The following AR variants were observed in gnomAD, a reference collection of about 807,000 sequenced individuals.
AR encodes the protein androgen receptor.
In AR, 8 loss-of-function variants were observed where a neutral mutation model predicts 53.9. The observed-to-expected ratio is 0.15, with a 90% CI of 0.09 to 0.27. The LOEUF is 0.27. Among genes scored for constraint, AR ranks in the 10% least tolerant of loss-of-function variants. The pLI, the probability that AR is intolerant of heterozygous loss-of-function variation, is 1.00. For synonymous variants in AR, 359 were observed against 316.4 expected, an observed-to-expected ratio of 1.13 and a Z score of -1.43; for missense variants, 639 against 742.5, an observed-to-expected ratio of 0.86 and a Z score of 1.62.
At chrX:67,553,901 C>T (rs1459169282) in intron 1 of AR, among the ~76,000 whole-genome samples, 1 of 112,082 alleles carries the variant, frequency 8.9e-6, no homozygotes, top group Non-Finnish European at 1.9e-5. Context: ...ATCCTGCAAC[C>T]TTGCTGAAAA....
At chrX:67,642,654 A>G (rs747808981) in intron 1 of AR, among the ~76,000 whole-genome samples, 26 of 111,613 alleles carry the variant, frequency 2.3e-4, no homozygotes, top group South Asian at 7.6e-4. Flanking sequence ...GAAATGAGGG[A>G]AAAAAAAGAA....
In AR at chrX:67,723,553, G is replaced by C. The variant is rs189181091; in HGVS notation, c.2608-133G>C. 164 of 597,362 alleles carry C rather than the reference G, an allele frequency of 2.7e-4. No homozygotes were observed. The East Asian group carries it at 5.6e-3, about 20-fold the overall frequency. 49.2% of individuals were successfully genotyped at this position (597,362 alleles called of 1,213,427 possible). A position where few individuals can be genotyped will look rare whatever the true frequency, so the allele number is the denominator to read the frequency against. ...CACACACACACACGACCTCATGGGGGAGGACCAAGGAAGTACGGGGAAGGG... is the reference window on the plus strand; with the variant it reads ...CACACACACACACGACCTCATGGGGCAGGACCAAGGAAGTACGGGGAAGGG... On this transcript the variant is annotated intron_variant, in intron 7 of 7. Transcript: ENST00000374690.
At chrX:67,703,226 T>C (rs972853216) in intron 3 of AR, among the ~76,000 whole-genome samples, 3 of 112,223 alleles carry the variant, frequency 2.7e-5, no homozygotes, top group Non-Finnish European at 5.6e-5. Flanking sequence ...TTCTTATTTA[T>C]TATTATTATG....
chrX:67,621,072 T>C (rs1924352117), intron 1 of AR, among the ~76,000 whole-genome samples: 1 of 112,071 alleles, frequency 8.9e-6, no homozygotes, highest in South Asian at 3.7e-4. Flanking sequence ...CCAAATTCTA[T>C]GCCGTGGAAG....
rs763353257 is a variant in AR at position 67,545,120 on chromosome X, AG to A, written c.-25del. 4 of 1,188,899 alleles carry A rather than the reference AG, an allele frequency of 3.4e-6. No individual in the cohort carries two copies. The highest frequency in any genetic ancestry group is 4.5e-6 in the Non-Finnish European group (4 of 885,958). ...GAAGGGGAGGCGGGGTAAGGGAAGT[AG>A]GTGGAAGATTCAGCCAAGCTCAAGG... On this transcript the variant is annotated 5_prime_UTR_variant, in exon 1 of 8. Coordinates refer to ENST00000374690, the MANE Select transcript of AR (RefSeq NM_000044.6).
chrX:67,616,057 A>G (rs939799084), intron 1 of AR, among the ~76,000 whole-genome samples: 3 of 111,538 alleles, frequency 2.7e-5, no homozygotes, highest in Admixed American at 9.5e-5. Context: ...ACTGGAACTA[A>G]GTCAGTATAA....
rs2147540148 is a variant in AR at position 67,723,700 on chromosome X, G to T, written c.2622G>T (p.Leu874=). ...LDSVQPIARE[L]HQFTFDLLIK... ...GTTCCCTACAGATTGCGAGAGAGCT[G>T]CATCAGTTCACTTTTGACCTGCTAA... Residue 874 remains leucine, a synonymous_variant, in exon 8 of 8, where the codon CTG becomes CTT. Transcript: ENST00000374690. The T allele has an allele frequency of 1.7e-6, 2 of 1,210,834 alleles. No individual in the cohort carries two copies. Among genetic ancestry groups the T allele is most frequent in the East Asian group, 3.0e-5 (1 of 33,706 alleles).
intron 1 of AR, among the ~76,000 whole-genome samples, chrX:67,563,843 G>T (rs930542635): frequency 2.7e-5 from 3 of 112,149 alleles, no homozygotes; most frequent in Admixed American, 9.4e-5. Flanking sequence ...ACAAGGAACA[G>T]AATGACTCAA....
chrX:67,686,699 G>T (rs956422345), intron 3 of AR, among the ~76,000 whole-genome samples: 2 of 111,683 alleles, frequency 1.8e-5, no homozygotes, highest in African/African-American at 6.5e-5. Context: ...AAGATGAGCA[G>T]GTGTTTTAAT....
chrX:67,674,815 C>G (rs1422823266), intron 2 of AR, among the ~76,000 whole-genome samples: 1 of 111,546 alleles, frequency 9.0e-6, no homozygotes, highest in Non-Finnish European at 1.9e-5. Context: ...AACCAGTACC[C>G]AAGCTGCAAG....
At chrX:67,602,251 A>G (rs1923406377) in intron 1 of AR, among the ~76,000 whole-genome samples, 1 of 111,930 alleles carries the variant, frequency 8.9e-6, no homozygotes, top group Non-Finnish European at 1.9e-5. Flanking sequence ...CTGAGTTTTT[A>G]TGCTTTTTAG....
intron 1 of AR, among the ~76,000 whole-genome samples, chrX:67,573,540 T>A (rs1349812765): frequency 1.8e-5 from 2 of 111,543 alleles, no homozygotes; most frequent in Admixed American, 1.9e-4. Flanking sequence ...CCCCTAACCC[T>A]TCAAATCTCA....
chrX:67,588,407 T>C (rs1369992276), intron 1 of AR, among the ~76,000 whole-genome samples: 1 of 111,860 alleles, frequency 8.9e-6, no homozygotes, highest in Admixed American at 9.5e-5. Context: ...TGTAAGGAAA[T>C]ATGACAAGCG....
At chrX:67,716,510 G>A (rs778088918) in intron 4 of AR, among the ~76,000 whole-genome samples, 3 of 111,688 alleles carry the variant, frequency 2.7e-5, no homozygotes, top group African/African-American at 6.5e-5. Context: ...AGCGCAAGTG[G>A]CAAGAGATCA....
At chrX:67,722,803 C>G (rs1385736292) in intron 6 of AR, 24 bp from the exon 7 acceptor site, 1 of 1,208,303 alleles carries the variant, frequency 8.3e-7, no homozygotes. Flanking sequence ...TTCCCCTCCC[C>G]ATTCTGTCTT....
chrX:67,678,332 A>G lies in AR; in HGVS notation c.1769-7678A>G, dbSNP rs73633121. On this transcript the variant is annotated intron_variant, in intron 2 of 7. Coordinates refer to ENST00000374690, the MANE Select transcript of AR (RefSeq NM_000044.6). ...GTTTTATTCTTAAAAATAGTTTACTATAAAAAACTCAACTGGTTTGATTTT... is the reference window on the plus strand; with the variant it reads ...GTTTTATTCTTAAAAATAGTTTACTGTAAAAAACTCAACTGGTTTGATTTT... Among the ~76,000 whole-genome samples, 643 of 112,121 alleles carry G rather than the reference A, an allele frequency of 5.7e-3. 4 individuals carry two copies. The highest frequency in any genetic ancestry group is 0.019 in the African/African-American group (600 of 30,900).
chrX:67,577,081 A>C (rs1270573499), intron 1 of AR, among the ~76,000 whole-genome samples: 1 of 103,552 alleles, frequency 9.7e-6, no homozygotes, highest in African/African-American at 3.6e-5. Context: ...TCATTGCCCC[A>C]AAAGGAAACC....
At chrX:67,557,806 A>G (rs1346270820) in intron 1 of AR, among the ~76,000 whole-genome samples, 1 of 112,060 alleles carries the variant, frequency 8.9e-6, no homozygotes, top group African/African-American at 3.2e-5. Flanking sequence ...AAAACCAGGT[A>G]ATTAAACTAA....
At chrX:67,705,344 C>A (rs1299319741) in intron 3 of AR, among the ~76,000 whole-genome samples, 3 of 111,184 alleles carry the variant, frequency 2.7e-5, no homozygotes, top group African/African-American at 9.8e-5. Flanking sequence ...TGTAGTTCTC[C>A]TTGAAGAGGT....
Sources: allele counts gnomAD v4.1 joint callset (sites outside exome capture counted in the v4.1 genomes callset), GRCh38; gene constraint gnomAD v4.1.1; transcripts MANE v1.5; gene names NCBI Gene and HGNC (gene_info 2026-07-23, HGNC 2026-07-21).